DPY19L3: variants seen among roughly 807,000 people sequenced by gnomAD.
DPY19L3 encodes the protein protein C-mannosyl-transferase DPY19L3.
A neutral mutation model predicts 92.3 loss-of-function variants in DPY19L3; 51 were observed. The ratio of observed to expected loss-of-function variants is 0.55; its 90% CI spans 0.44 to 0.70. The LOEUF is 0.70. Among genes scored for constraint, DPY19L3 ranks in the 30% least tolerant of loss-of-function variants. DPY19L3 has a pLI of 0.00. For missense variants in DPY19L3, 706 were observed against 855.9 expected (o/e 0.82, Z 2.18); for synonymous variants, 309 against 315.2 (o/e 0.98, Z 0.21).
chr19:32,438,019 T>C (rs1406096717), intron 6 of DPY19L3, among the ~76,000 whole-genome samples: 1 of 152,162 alleles, frequency 6.6e-6, no homozygotes, highest in Non-Finnish European at 1.5e-5. Flanking sequence ...AATAGGGTTG[T>C]GTATGGCTCT....
chr19:32,457,856 C>G (rs746367341), intron 10 of DPY19L3, among the ~76,000 whole-genome samples: 1 of 152,198 alleles, frequency 6.6e-6, no homozygotes, highest in Non-Finnish European at 1.5e-5. Context: ...GCATATTTAA[C>G]TTATGTATAA....
chr19:32,465,256 C>T (rs554437407), intron 15 of DPY19L3, among the ~76,000 whole-genome samples: 1 of 152,166 alleles, frequency 6.6e-6, no homozygotes, highest in East Asian at 1.9e-4. Context: ...ATCTGTTCTT[C>T]AGTATCAATA....
At chr19:32,438,664 T>G (rs1022340681) in intron 6 of DPY19L3, among the ~76,000 whole-genome samples, 3 of 152,146 alleles carry the variant, frequency 2.0e-5, no homozygotes, top group African/African-American at 7.2e-5. Flanking sequence ...CTTGCCCTGT[T>G]GGGATTCACA....
At chr19:32,468,269 A>C (rs549541298) in intron 15 of DPY19L3, 1 of 984,552 alleles carries the variant, frequency 1.0e-6, no homozygotes, top group African/African-American at 1.7e-5. Context: ...ACAAGGCCGT[A>C]TTCTAAAGCA....
chr19:32,446,636 T>C (rs748950212), intron 8 of DPY19L3, among the ~76,000 whole-genome samples: 1 of 152,166 alleles, frequency 6.6e-6, no homozygotes, highest in African/African-American at 2.4e-5. Context: ...CATTATATAA[T>C]GATAAAACGT....
chr19:32,408,141 G>A lies in DPY19L3; in HGVS notation c.-37-76G>A, dbSNP rs553624518. ...TAGAGGGAAAATGGCATAAGTAAAG[G>A]CATTTCAGCATGGATGAGCACGGGG... On this transcript the variant is annotated intron_variant, in intron 1 of 18. Transcript: ENST00000392250. The A allele has an allele frequency of 4.2e-5, 30 of 720,652 alleles. No homozygotes were observed. In the South Asian group the frequency reaches 5.1e-4, roughly 12 times the overall value. 44.6% of individuals were successfully genotyped at this position (720,652 alleles called of 1,614,324 possible). A position where few individuals can be genotyped will look rare whatever the true frequency, so the allele number is the denominator to read the frequency against.
At chr19:32,465,294 A>T (rs1970167368) in intron 15 of DPY19L3, among the ~76,000 whole-genome samples, 1 of 152,204 alleles carries the variant, frequency 6.6e-6, no homozygotes, top group African/African-American at 2.4e-5. Context: ...TCATATTCTC[A>T]TTTGACTAGT....
intron 3 of DPY19L3, among the ~76,000 whole-genome samples, chr19:32,429,783 G>T (rs1312395825): frequency 6.6e-6 from 1 of 152,076 alleles, no homozygotes; most frequent in Non-Finnish European, 1.5e-5. Flanking sequence ...AATTAATGTT[G>T]TTGTTGTTGT....
chr19:32,463,243 C>A, intron 12 of DPY19L3, 123 bp from the exon 13 acceptor site: 1 of 1,097,368 alleles, frequency 9.1e-7, no homozygotes, highest in Non-Finnish European at 1.3e-6. Context: ...TTCATTTCAT[C>A]TTATGGAAAT....
At chr19:32,412,805 C>T (rs1968236312) in intron 3 of DPY19L3, 1 of 152,144 alleles carries the variant, frequency 6.6e-6, no homozygotes, top group African/African-American at 2.4e-5. Flanking sequence ...TGACACACAC[C>T]TGTAATCTCA....
At chr19:32,473,588 A>G (rs915308822) in intron 16 of DPY19L3, among the ~76,000 whole-genome samples, 13 of 152,194 alleles carry the variant, frequency 8.5e-5, no homozygotes, top group African/African-American at 3.1e-4. Flanking sequence ...AAGTTTAGAA[A>G]TGTGTGATTG....
chr19:32,409,429 A>G (rs1663869327), intron 2 of DPY19L3, among the ~76,000 whole-genome samples: 1 of 152,244 alleles, frequency 6.6e-6, no homozygotes, highest in African/African-American at 2.4e-5. Context: ...GTAGAAGTGA[A>G]AGGTTTTCTT....
intron 17 of DPY19L3, 46 bp from the exon 18 acceptor site, chr19:32,480,353 C>T: frequency 6.4e-7 from 1 of 1,572,988 alleles, no homozygotes; most frequent in Non-Finnish European, 8.6e-7. Flanking sequence ...AACTCCCTGG[C>T]AGTCAAGTAG....
intron 6 of DPY19L3, among the ~76,000 whole-genome samples, chr19:32,438,029 TCA>T (rs1902252831): frequency 6.6e-6 from 1 of 152,208 alleles, no homozygotes; most frequent in Non-Finnish European, 1.5e-5. Flanking sequence ...TGTATGGCTC[TCA>T]GTTAGTAGAG....
rs576133186 is a variant in DPY19L3 at position 32,423,334 on chromosome 19, G to T, written c.238-9382G>T. ...GCTCACTGCAACCTCCGCCTTCTGG[G>T]TTCAAGCAGTTGTGCCTCAGCCTCC... is the stretch of plus-strand genomic sequence containing the variant. On this transcript the variant is annotated intron_variant, in intron 3 of 18. Transcript: ENST00000392250. Among the ~76,000 whole-genome samples, 165 of 151,522 alleles carry T rather than the reference G, an allele frequency of 1.1e-3. 1 individual carries two copies. The Middle Eastern group carries it at 0.014, about 13-fold the overall frequency.
In DPY19L3 at chr19:32,420,444, T is replaced by G. The variant is rs182461269; in HGVS notation, c.237+9072T>G. On this transcript the variant is annotated intron_variant, in intron 3 of 18. Transcript: ENST00000392250. ...AAGTGATTTTTGTTTAGTAGTTTTG[T>G]TTTTTTTTGTTGTTGTTGTTGAGAT... Among the ~76,000 whole-genome samples the G allele has an allele frequency of 6.9e-3, 990 of 144,024 alleles. 7 individuals carry two copies. Among genetic ancestry groups the G allele is most frequent in the Non-Finnish European group, 0.012 (793 of 67,434 alleles). The allele number at this position is 144,024 out of a possible 152,430, so 94.5% of individuals were successfully genotyped here.
rs200321521 is a variant in DPY19L3 at position 32,464,734 on chromosome 19, A to G, written c.1564A>G (p.Ile522Val). 6 of 1,492,078 alleles carry G rather than the reference A, an allele frequency of 4.0e-6. No homozygotes were observed. The Admixed American group carries it at 9.9e-5, about 25-fold the overall frequency. The allele number at this position is 1,492,078 out of a possible 1,614,324, so 92.4% of individuals were successfully genotyped here. The change falls in exon 15 of 19, where the codon ATA becomes GTA. Residue 522 changes from isoleucine to valine, a missense_variant. Physicochemically the swap from Ile to Val is conservative, Grantham distance 29. Coordinates refer to ENST00000392250, the MANE Select transcript of DPY19L3 (RefSeq NM_001172774.2). Reference protein sequence around the residue: ...VHLYNPKRICIMRYSVPILIL... With the variant: ...VHLYNPKRICVMRYSVPILIL... ...TAATGTCTTTCTTATATAGATATGT[A>G]TAATGCGATATTCAGTACCGATATT...
At chr19:32,450,289 T>A (rs932742654) in intron 8 of DPY19L3, among the ~76,000 whole-genome samples, 22 of 152,332 alleles carry the variant, frequency 1.4e-4, no homozygotes, top group African/African-American at 5.3e-4. Flanking sequence ...GATGGGATTA[T>A]AAGATGGTGT....
At position 32,463,381 on chromosome 19, in the gene DPY19L3, A is replaced by G. The variant is rs755232142; in HGVS notation, c.1338A>G (p.Gln446=). Reference sequence around the variant, plus strand: ...TTTTACTCAGTGATTCTACAAATCAACAATCCGTGGGTAAAATGGAAAAAG... The same window carrying G: ...TTTTACTCAGTGATTCTACAAATCAGCAATCCGTGGGTAAAATGGAAAAAG... The part of the protein sequence containing the change: ...AFHNLSDSTN[Q]QSVGKMEKGT... Residue 446 remains glutamine, a synonymous_variant, in exon 13 of 19, where the codon CAA becomes CAG. Transcript: ENST00000392250. The G allele has an allele frequency of 1.2e-5, 20 of 1,613,692 alleles. No homozygotes were observed. The Admixed American group carries it at 1.7e-4, about 13-fold the overall frequency.
Sources: allele counts gnomAD v4.1 joint callset (sites outside exome capture counted in the v4.1 genomes callset), GRCh38; gene constraint gnomAD v4.1.1; transcripts MANE v1.5; gene names NCBI Gene and HGNC (gene_info 2026-07-23, HGNC 2026-07-21).